The following COLEC10 variants were observed in gnomAD, a reference collection of about 807,000 sequenced individuals.
COLEC10 encodes collectin subfamily member 10.
In COLEC10, 22 loss-of-function variants were observed where a neutral mutation model predicts 28.4. The ratio of observed to expected loss-of-function variants is 0.78; its 90% CI spans 0.55 to 1.11. The LOEUF is 1.11. Among genes scored for constraint, COLEC10 ranks in the 50% least tolerant of loss-of-function variants. COLEC10 has a pLI of 0.00. For missense variants in COLEC10, 361 were observed against 344.1 expected (o/e 1.05, Z -0.39); for synonymous variants, 125 against 116.1 (o/e 1.08, Z -0.49).
chr8:118,976,710 C>T, the COLEC10 span: 2 of 152,158 alleles, frequency 1.3e-5, no homozygotes, highest in Admixed American at 1.3e-4. Context: ...ATGTCTAAAA[C>T]ACCAAAAGCA....
chr8:119,107,954 T>G lies in COLEC10; in HGVS notation c.*1763T>G, dbSNP rs1442012238. On this transcript the variant is annotated 3_prime_UTR_variant, in exon 6 of 6. Coordinates refer to ENST00000332843, the MANE Select transcript of COLEC10 (RefSeq NM_006438.5). Reference sequence around the variant, plus strand: ...GAGGTCAAAAGTCTTCTAGCTAAAGTTGTGATCATTTCATTTCTTACTTCT... The same window carrying G: ...GAGGTCAAAAGTCTTCTAGCTAAAGGTGTGATCATTTCATTTCTTACTTCT... Among the ~76,000 whole-genome samples, 1 of 152,208 alleles carries G rather than the reference T, an allele frequency of 6.6e-6. No homozygotes were observed. The highest frequency in any genetic ancestry group is 1.5e-5 in the Non-Finnish European group (1 of 68,036).
At chr8:119,046,089 T>C (rs1814583906) in intron 2 of COLEC10, among the ~76,000 whole-genome samples, 1 of 152,218 alleles carries the variant, frequency 6.6e-6, no homozygotes, top group Non-Finnish European at 1.5e-5. Context: ...ACAGTTTGTT[T>C]TGATAGGACA....
intron 2 of COLEC10, among the ~76,000 whole-genome samples, chr8:119,030,931 A>G (rs1313802779): frequency 6.6e-6 from 1 of 152,226 alleles, no homozygotes; most frequent in Non-Finnish European, 1.5e-5. Flanking sequence ...GGAGGGATAG[A>G]CATTATCTAA....
intron 1 of COLEC10, among the ~76,000 whole-genome samples, chr8:119,080,393 T>C (rs962629581): frequency 6.6e-6 from 1 of 152,184 alleles, no homozygotes; most frequent in Admixed American, 6.5e-5. Flanking sequence ...CACAAGGAAC[T>C]TACACTTTAA....
At chr8:118,976,037 C>T in the COLEC10 span, among the ~76,000 whole-genome samples, 1 of 151,974 alleles carries the variant, frequency 6.6e-6, no homozygotes, top group East Asian at 1.9e-4. Flanking sequence ...TTTGTTGTTT[C>T]AAAAATACAT....
At chr8:119,028,528 C>G (rs900383042) in intron 2 of COLEC10, among the ~76,000 whole-genome samples, 6 of 152,176 alleles carry the variant, frequency 3.9e-5, no homozygotes, top group Non-Finnish European at 7.4e-5. Flanking sequence ...CCCTGATAAA[C>G]CCATCAGATC....
chr8:119,024,857 T>G (rs1490419241), intron 2 of COLEC10, among the ~76,000 whole-genome samples: 1 of 152,186 alleles, frequency 6.6e-6, no homozygotes, highest in African/African-American at 2.4e-5. Flanking sequence ...ACATCTGCTA[T>G]AAATGGTTCA....
At chr8:119,061,203 AC>A (rs1241847430) in intron 2 of COLEC10, among the ~76,000 whole-genome samples, 1 of 152,022 alleles carries the variant, frequency 6.6e-6, no homozygotes, top group Non-Finnish European at 1.5e-5. Context: ...GGAGAAATAC[AC>A]CAGAAATTAG....
chr8:118,996,073 T>C lies in COLEC10; in HGVS notation n.122+500T>C, dbSNP rs1284710416. Among the ~76,000 whole-genome samples the C allele has an allele frequency of 2.0e-5, 3 of 152,152 alleles. No homozygotes were observed. In the East Asian group the frequency reaches 5.8e-4, roughly 29 times the overall value. On this transcript the variant is annotated intron_variant and non_coding_transcript_variant, in intron 1 of 6. Transcript: ENST00000521788. ...CTCTCCCAAAACCCCTGGCAACCAG[T>C]GTTCTACTCTCTGCTTAATTTGACT...
the COLEC10 span, among the ~76,000 whole-genome samples, chr8:118,980,275 C>A: frequency 7.9e-5 from 12 of 150,972 alleles, no homozygotes; most frequent in African/African-American, 2.7e-4. Context: ...TCTCAGCTCA[C>A]TGCAACCTCC....
the COLEC10 span, among the ~76,000 whole-genome samples, chr8:118,964,809 C>T: frequency 3.9e-5 from 6 of 152,146 alleles, no homozygotes; most frequent in Admixed American, 3.9e-4. Flanking sequence ...TGCTTGCCAC[C>T]AACAGATGGT....
chr8:119,020,286 T>A (rs7813486), intron 2 of COLEC10, among the ~76,000 whole-genome samples: 1 of 151,918 alleles, frequency 6.6e-6, no homozygotes, highest in Non-Finnish European at 1.5e-5. Context: ...AAATAGAACA[T>A]CTATTCATTT....
chr8:118,952,666 C>T, the COLEC10 span, among the ~76,000 whole-genome samples: 1 of 152,190 alleles, frequency 6.6e-6, no homozygotes, highest in African/African-American at 2.4e-5. Flanking sequence ...GATAACCTTG[C>T]GGAGCACTGT....
At chr8:119,101,416 G>T (rs996711783) in intron 3 of COLEC10, among the ~76,000 whole-genome samples, 1 of 151,972 alleles carries the variant, frequency 6.6e-6, no homozygotes, top group East Asian at 1.9e-4. Context: ...CAATTATTGT[G>T]TCTGATGTGG....
intron 1 of COLEC10, among the ~76,000 whole-genome samples, chr8:119,088,948 G>A (rs1815535626): frequency 8.6e-6 from 1 of 115,696 alleles, no homozygotes; most frequent in African/African-American, 3.6e-5. Flanking sequence ...CTCAGAGAGG[G>A]AAGTTCTGTA....
intron 1 of COLEC10, among the ~76,000 whole-genome samples, chr8:119,069,468 G>A (rs1166926150): frequency 7.3e-5 from 11 of 150,288 alleles, no homozygotes; most frequent in Admixed American, 7.3e-4. Flanking sequence ...TTAGCCAGGT[G>A]TGGTGGTGCA....
the COLEC10 span, among the ~76,000 whole-genome samples, chr8:118,960,133 A>G: frequency 6.6e-6 from 1 of 152,114 alleles, no homozygotes; most frequent in Non-Finnish European, 1.5e-5. Flanking sequence ...CCAGAGGTGG[A>G]TAAGAGTTGG....
chr8:119,081,502 C>T (rs889724961), intron 1 of COLEC10, among the ~76,000 whole-genome samples: 4 of 152,026 alleles, frequency 2.6e-5, no homozygotes, highest in East Asian at 1.9e-4. Context: ...TTCTCATATG[C>T]TATATATGTC....
At chr8:118,984,338 A>G in the COLEC10 span, among the ~76,000 whole-genome samples, 1 of 152,208 alleles carries the variant, frequency 6.6e-6, no homozygotes, top group East Asian at 1.9e-4. Context: ...ACTTGAGGGT[A>G]CAGGGTGGGA....
Sources: allele counts gnomAD v4.1 joint callset (sites outside exome capture counted in the v4.1 genomes callset), GRCh38; gene constraint gnomAD v4.1.1; transcripts MANE v1.5; gene names NCBI Gene and HGNC (gene_info 2026-07-23, HGNC 2026-07-21).